The following DOCK2 variants were observed in gnomAD, a reference collection of about 807,000 sequenced individuals.
The protein encoded by DOCK2 is dedicator of cytokinesis 2.
In DOCK2, 87 loss-of-function variants were observed where a neutral mutation model predicts 248.9. The ratio of observed to expected loss-of-function variants is 0.35; its 90% CI spans 0.29 to 0.42. DOCK2 has a LOEUF of 0.42. DOCK2 is among the 10% of genes least tolerant of loss of function. DOCK2 has a pLI of 1.00. For synonymous variants in DOCK2, 805 were observed against 821.6 expected (o/e 0.98, Z 0.35); for missense variants, 1,747 against 2,300.2 (o/e 0.76, Z 4.92).
At chr5:169,976,934 T>C (rs181501317) in intron 27 of DOCK2, among the ~76,000 whole-genome samples, 22 of 152,348 alleles carry the variant, frequency 1.4e-4, no homozygotes, top group African/African-American at 4.3e-4. Flanking sequence ...GCAGGCCACA[T>C]GAACCTTGCG....
At chr5:169,872,267 A>G (rs1303642435) in intron 27 of DOCK2, among the ~76,000 whole-genome samples, 1 of 152,238 alleles carries the variant, frequency 6.6e-6, no homozygotes, top group Non-Finnish European at 1.5e-5. Flanking sequence ...CAATGGATGC[A>G]GCGAGAGTAG....
intron 27 of DOCK2, among the ~76,000 whole-genome samples, chr5:169,905,217 C>T (rs1474870012): frequency 1.3e-5 from 2 of 151,748 alleles, no homozygotes; most frequent in African/African-American, 4.8e-5. Flanking sequence ...AGAAATGTGC[C>T]ACAAAGGGGA....
intron 27 of DOCK2, among the ~76,000 whole-genome samples, chr5:169,915,085 A>C (rs949437172): frequency 1.3e-5 from 2 of 152,240 alleles, no homozygotes; most frequent in Non-Finnish European, 2.9e-5. Flanking sequence ...AATCAATTCT[A>C]GGCCTTGATG....
At position 169,714,073 on chromosome 5, in the gene DOCK2, C is replaced by T; in HGVS notation, c.1705C>T (p.Pro569Ser). The change falls in exon 18 of 52, where the codon CCT becomes TCT. Residue 569 changes from proline to serine, a missense_variant. This residue lies in a region of DOCK2 where 858 missense variants were observed against 1,183.5 expected (regional missense o/e 0.72). Coordinates refer to ENST00000520908, the MANE Select transcript of DOCK2 (RefSeq NM_004946.3). ...MEDASAYLTL[P>S]SYRHHVENKG... ...GGATGCCAGCGCATACCTGACCCTT[C>T]CTTCTTATCGACACCATGTGGAAAA... 6.2e-7 allele frequency: 1 copy of T among 1,613,080 alleles called. No homozygotes were observed. Among genetic ancestry groups the T allele is most frequent in the Admixed American group, 1.7e-5 (1 of 59,906 alleles).
chr5:169,867,083 T>G (rs945753955), intron 27 of DOCK2, among the ~76,000 whole-genome samples: 2 of 152,254 alleles, frequency 1.3e-5, no homozygotes, highest in Non-Finnish European at 2.9e-5. Flanking sequence ...TTCACAGAAC[T>G]CAGGGAAACA....
At position 169,983,047 on chromosome 5, in the gene DOCK2, A is replaced by G. The variant is rs748583164; in HGVS notation, c.2800-21A>G. ...TGGTCCTCTCTCAACTATTTATAGT[A>G]TTTGTCTTCATTTCTTGCAGAGTCA... On this transcript the variant is annotated intron_variant, in intron 27 of 51. Transcript: ENST00000520908. 39 of 1,612,946 alleles carry G rather than the reference A, an allele frequency of 2.4e-5. No homozygotes were observed. The East Asian group carries it at 8.5e-4, about 35-fold the overall frequency.
At chr5:169,646,202 T>G (rs939083096) in intron 1 of DOCK2, among the ~76,000 whole-genome samples, 3 of 152,248 alleles carry the variant, frequency 2.0e-5, no homozygotes, top group African/African-American at 7.2e-5. Context: ...TAGGAGATCC[T>G]TATTCCATTG....
At chr5:169,888,926 A>G (rs1561798038) in intron 27 of DOCK2, among the ~76,000 whole-genome samples, 1 of 152,158 alleles carries the variant, frequency 6.6e-6, no homozygotes, top group Non-Finnish European at 1.5e-5. Flanking sequence ...TCCTTTGTGC[A>G]AGAAGTCCTA....
At chr5:170,060,211 G>A (rs1757281972) in intron 44 of DOCK2, among the ~76,000 whole-genome samples, 1 of 152,132 alleles carries the variant, frequency 6.6e-6, no homozygotes, top group East Asian at 1.9e-4. Context: ...CCTGATCTAG[G>A]GGTCAGAGAT....
At chr5:169,723,764 T>C (rs1409409121) in intron 22 of DOCK2, among the ~76,000 whole-genome samples, 2 of 152,322 alleles carry the variant, frequency 1.3e-5, no homozygotes, top group Middle Eastern at 3.4e-3. Flanking sequence ...TGCTGATTTC[T>C]CTCTTCCTTT....
At chr5:169,899,178 G>C (rs1423779931) in intron 27 of DOCK2, among the ~76,000 whole-genome samples, 1 of 152,190 alleles carries the variant, frequency 6.6e-6, no homozygotes, top group African/African-American at 2.4e-5. Context: ...TAGCAAAGAG[G>C]AGAATGATGA....
chr5:169,762,626 T>C (rs1354774750), intron 25 of DOCK2, among the ~76,000 whole-genome samples: 1 of 152,220 alleles, frequency 6.6e-6, no homozygotes, highest in Admixed American at 6.5e-5. Flanking sequence ...TTTTGCTCCA[T>C]GTAAAAGAAT....
At chr5:169,925,662 T>C (rs1775408870) in intron 27 of DOCK2, among the ~76,000 whole-genome samples, 1 of 149,452 alleles carries the variant, frequency 6.7e-6, no homozygotes, top group African/African-American at 2.5e-5. Flanking sequence ...GTGTGACCTG[T>C]GGGACTTCTG....
chr5:169,839,518 G>A (rs1769809918), intron 26 of DOCK2, among the ~76,000 whole-genome samples: 1 of 152,134 alleles, frequency 6.6e-6, no homozygotes, highest in Non-Finnish European at 1.5e-5. Flanking sequence ...CGTATGCATG[G>A]TGTGCAACTC....
intron 27 of DOCK2, among the ~76,000 whole-genome samples, chr5:169,949,015 A>G (rs189696910): frequency 2.5e-4 from 38 of 152,314 alleles, no homozygotes; most frequent in Admixed American, 9.2e-4. Flanking sequence ...AAGCCTCTGC[A>G]TGTCCTCCCA....
chr5:169,983,670 C>G (rs1777995971), intron 28 of DOCK2, among the ~76,000 whole-genome samples: 1 of 152,140 alleles, frequency 6.6e-6, no homozygotes, highest in African/African-American at 2.4e-5. Flanking sequence ...ACATAGAGCC[C>G]AGCCCAGGCT....
chr5:169,736,429 G>T (rs1017463734), intron 22 of DOCK2, among the ~76,000 whole-genome samples: 2 of 152,114 alleles, frequency 1.3e-5, no homozygotes, highest in Non-Finnish European at 2.9e-5. Flanking sequence ...ATATTCTAGT[G>T]CCTCTCCATT....
intron 23 of DOCK2, among the ~76,000 whole-genome samples, chr5:169,758,996 A>G (rs2113731569): frequency 6.6e-6 from 1 of 152,330 alleles, no homozygotes; most frequent in South Asian, 2.1e-4. Flanking sequence ...CATGTGACTT[A>G]CAGTTCTTTC....
At chr5:169,824,445 A>T (rs1192987013) in intron 26 of DOCK2, among the ~76,000 whole-genome samples, 2 of 152,320 alleles carry the variant, frequency 1.3e-5, no homozygotes, top group African/African-American at 4.8e-5. Flanking sequence ...ATAGAACAGA[A>T]CAGAGCCCTC....
Sources: gnomAD v4.1 joint callset for allele counts (sites outside exome capture counted in the v4.1 genomes callset) on GRCh38, gnomAD v4.1.1 for gene constraint, gnomAD v4.1.1 regional missense constraint, MANE v1.5 for transcripts, NCBI Gene and HGNC (gene_info 2026-07-23, HGNC 2026-07-21) for gene names.